Variants in IL6ST observed in about 807,000 individuals in gnomAD.
IL6ST encodes the protein interleukin-6 receptor subunit beta.
IL6ST carries 24 observed loss-of-function variants against 91.3 expected under a neutral mutation model. The observed-to-expected ratio is 0.26, with a 90% CI of 0.19 to 0.37. IL6ST has a LOEUF of 0.37. IL6ST is among the 10% of genes least tolerant of loss of function. The probability of loss-of-function intolerance (pLI) is 1.00; values close to 1 mark genes in which losing one functional copy is unlikely to be tolerated. For missense variants in IL6ST, 914 were observed against 1,078.5 expected, an observed-to-expected ratio of 0.85 and a Z score of 2.14; for synonymous variants, 351 against 373.6, an observed-to-expected ratio of 0.94 and a Z score of 0.70.
intron 2 of IL6ST, among the ~76,000 whole-genome samples, chr5:55,978,650 G>C (rs571699361): frequency 6.6e-6 from 1 of 152,204 alleles, no homozygotes; most frequent in Non-Finnish European, 1.5e-5. Flanking sequence ...GCTTGAACCT[G>C]GGAGGCGGAG....
intron 15 of IL6ST, among the ~76,000 whole-genome samples, chr5:55,947,224 C>A (rs577086061): frequency 2.0e-5 from 3 of 152,040 alleles, no homozygotes; most frequent in Admixed American, 2.0e-4. Flanking sequence ...AATAAAAATT[C>A]TAGAAAAGGC....
chr5:55,961,179 A>G (rs778007501), intron 7 of IL6ST, among the ~76,000 whole-genome samples: 8 of 152,202 alleles, frequency 5.3e-5, no homozygotes, highest in Non-Finnish European at 8.8e-5. Context: ...AAGTATGGAA[A>G]CATCTATTAT....
intron 4 of IL6ST, 133 bp from the exon 5 acceptor site, chr5:55,968,529 A>G (rs1580834098): frequency 1.4e-6 from 1 of 725,464 alleles, no homozygotes; most frequent in East Asian, 2.8e-5. Flanking sequence ...TATGGACACA[A>G]TGAAAGGCTG....
chr5:55,943,696 C>T (rs1012754389), intron 15 of IL6ST, among the ~76,000 whole-genome samples: 1 of 152,076 alleles, frequency 6.6e-6, no homozygotes, highest in Non-Finnish European at 1.5e-5. Context: ...AATTGTGACA[C>T]CCATTCATGA....
At position 55,938,892 on chromosome 5, in the gene IL6ST, G is replaced by T. The variant is rs1001044880; in HGVS notation, c.*2190C>A. 1 of 202,998 alleles carries T rather than the reference G, an allele frequency of 4.9e-6. No homozygotes were observed. Among genetic ancestry groups the T allele is most frequent in the Non-Finnish European group, 1.0e-5 (1 of 98,882 alleles). The allele number at this position is 202,998 out of a possible 1,614,324, so 12.6% of individuals were successfully genotyped here. Reference sequence around the variant, plus strand: ...GTATAAAGTGTTCTTGGGGATGGGGGTATATTCACTCACTGTACCATGTTT... The same window carrying T: ...GTATAAAGTGTTCTTGGGGATGGGGTTATATTCACTCACTGTACCATGTTT... On this transcript the variant is annotated 3_prime_UTR_variant, in exon 17 of 17. Transcript: ENST00000381298.
At chr5:55,963,621 T>C (rs1224019691) in intron 6 of IL6ST, 115 bp from the exon 7 acceptor site, 3 of 769,646 alleles carry the variant, frequency 3.9e-6, no homozygotes, top group Non-Finnish European at 6.2e-6. Flanking sequence ...CCTTACCAAA[T>C]GAACTAATTT....
intron 2 of IL6ST, among the ~76,000 whole-genome samples, chr5:55,977,909 G>T (rs1753409700): frequency 6.6e-6 from 1 of 151,930 alleles, no homozygotes; most frequent in South Asian, 2.1e-4. Context: ...TGAGGCAGGA[G>T]AGCTGTTTGA....
intron 7 of IL6ST, among the ~76,000 whole-genome samples, chr5:55,961,428 TAG>T (rs1171188934): frequency 6.6e-6 from 1 of 152,052 alleles, no homozygotes; most frequent in Non-Finnish European, 1.5e-5. Context: ...GCCGGTCAGC[TAG>T]AGAGGGCTGT....
At chr5:55,957,398 C>T (rs1752055102) in intron 8 of IL6ST, 107 bp from the exon 9 acceptor site, 1 of 555,146 alleles carries the variant, frequency 1.8e-6, no homozygotes, top group Admixed American at 3.6e-5. Context: ...CCTCCAATTG[C>T]ATGGTGTCTC....
chr5:55,952,232 A>C lies in IL6ST; in HGVS notation c.1552+18T>G. The C allele has an allele frequency of 6.4e-7, 1 of 1,573,012 alleles. No homozygotes were observed. Among genetic ancestry groups the C allele is most frequent in the Non-Finnish European group, 8.7e-7 (1 of 1,154,434 alleles). On this transcript the variant is annotated intron_variant, in intron 12 of 16. Transcript: ENST00000381298. ...AAGCCCTAAACTTTTTTTTTCAAAGAAGTGAGTTTGGACTTACGAGCTTGT... is the reference window on the plus strand; with the variant it reads ...AAGCCCTAAACTTTTTTTTTCAAAGCAGTGAGTTTGGACTTACGAGCTTGT...
chr5:55,978,776 C>T (rs11744301), intron 2 of IL6ST, among the ~76,000 whole-genome samples: 13,485 of 152,154 alleles, frequency 0.089, 678 homozygotes, highest in Middle Eastern at 0.14. Context: ...TGATAAGAAA[C>T]GCAGAAATGT....
intron 1 of IL6ST, among the ~76,000 whole-genome samples, chr5:55,987,037 T>C (rs1392748571): frequency 6.6e-6 from 1 of 152,140 alleles, no homozygotes; most frequent in Non-Finnish European, 1.5e-5. Flanking sequence ...TGGTGGTGCA[T>C]GCCTGTTGTC....
At chr5:55,959,488 G>A (rs1025071456) in intron 8 of IL6ST, 12 of 317,670 alleles carry the variant, frequency 3.8e-5, no homozygotes, top group African/African-American at 1.5e-4. Context: ...TCTATGCCAC[G>A]GGATTATTTC....
Position 55,963,422 on chromosome 5 carries a change from C to G in IL6ST, c.743G>C (p.Ser248Thr), listed in dbSNP as rs369812743. 1.3e-5 allele frequency: 21 copies of G among 1,601,366 alleles called. No individual in the cohort carries two copies. Among genetic ancestry groups the G allele is most frequent in the Non-Finnish European group, 1.7e-5 (20 of 1,169,158 alleles). ...SILKLTWTNP[S>T]IKSVIILKYN... Reference sequence around the variant, plus strand: ...TTTTAGTATTATAACACTCTTAATACTTGGGTTGGTCCATGTCAATTTTAA... The same window carrying G: ...TTTTAGTATTATAACACTCTTAATAGTTGGGTTGGTCCATGTCAATTTTAA... The change falls in exon 7 of 17, where the codon AGT becomes ACT. Residue 248 changes from serine (S) to threonine (T), a missense_variant. Transcript: ENST00000381298.
chr5:55,944,517 C>A, intron 15 of IL6ST: 1 of 403,974 alleles, frequency 2.5e-6, no homozygotes, highest in Non-Finnish European at 4.6e-6. Flanking sequence ...CTGAAAACTA[C>A]AAAACACTGC....
chr5:55,939,799 A>G lies in IL6ST; in HGVS notation c.*1283T>C. On this transcript the variant is annotated 3_prime_UTR_variant, in exon 17 of 17. Coordinates refer to ENST00000381298, the MANE Select transcript of IL6ST (RefSeq NM_002184.4). ...TCCCTTGAAGAAAAAAGGTTTTAAA[A>G]ATTCCTAAATCACAATGTAGAACTA... 1 of 204,498 alleles carries G rather than the reference A, an allele frequency of 4.9e-6. No individual in the cohort carries two copies. Among genetic ancestry groups the G allele is most frequent in the Non-Finnish European group, 1.0e-5 (1 of 99,642 alleles). The allele number at this position is 204,498 out of a possible 1,614,324, so 12.7% of individuals were successfully genotyped here.
intron 3 of IL6ST, among the ~76,000 whole-genome samples, chr5:55,972,076 C>T (rs559414103): frequency 6.6e-6 from 1 of 152,272 alleles, no homozygotes; most frequent in East Asian, 1.9e-4. Flanking sequence ...TCACTTTATT[C>T]TTTGGCAAAA....
chr5:55,959,548 T>C, intron 8 of IL6ST: 1 of 609,498 alleles, frequency 1.6e-6, no homozygotes, highest in Non-Finnish European at 2.5e-6. Context: ...TACTTTAGAC[T>C]GTACACTCTT....
At chr5:55,962,601 C>G (rs1265505426) in intron 7 of IL6ST, among the ~76,000 whole-genome samples, 1 of 152,098 alleles carries the variant, frequency 6.6e-6, no homozygotes, top group Non-Finnish European at 1.5e-5. Flanking sequence ...CTTTTTGCAA[C>G]TACTCAACTC....
Sources: allele counts gnomAD v4.1 joint callset (sites outside exome capture counted in the v4.1 genomes callset), GRCh38; gene constraint gnomAD v4.1.1; transcripts MANE v1.5; gene names NCBI Gene and HGNC (gene_info 2026-07-23, HGNC 2026-07-21).